Variants in MICALL1 observed in about 807,000 individuals in gnomAD.
MICALL1 encodes MICAL like 1, also known as MICAL-like protein 1.
A neutral mutation model predicts 83.7 loss-of-function variants in MICALL1; 61 were observed. The observed-to-expected ratio is 0.73, with a 90% CI of 0.59 to 0.90. The LOEUF (loss-of-function observed/expected upper bound fraction) is 0.90, where lower values mean the gene tolerates loss of function less well. Ranked by LOEUF, MICALL1 falls within the 40% of genes least tolerant of loss-of-function variation. MICALL1 has a pLI of 0.00. For synonymous variants in MICALL1, 481 were observed against 473.6 expected, an observed-to-expected ratio of 1.02 and a Z score of -0.20; for missense variants, 1,066 against 1,152.0, an observed-to-expected ratio of 0.93 and a Z score of 1.08.
chr22:37,910,137 G>A (rs1051709622), intron 1 of MICALL1, among the ~76,000 whole-genome samples: 2 of 152,210 alleles, frequency 1.3e-5, no homozygotes, highest in Admixed American at 1.3e-4. Flanking sequence ...AAATATATGT[G>A]TTACCAAAAC....
intron 8 of MICALL1, 53 bp downstream of exon 8, chr22:37,926,096 C>T (rs1056164063): frequency 1.3e-4 from 181 of 1,417,324 alleles, no homozygotes; most frequent in African/African-American, 1.6e-4. Flanking sequence ...GGGTGGGGCC[C>T]GGGCCTGGGG....
intron 3 of MICALL1, among the ~76,000 whole-genome samples, chr22:37,915,645 C>CTTTTTTT (rs34900801): frequency 7.5e-6 from 1 of 133,148 alleles, no homozygotes; most frequent in Admixed American, 7.7e-5. Flanking sequence ...GATTAGTATT[C>CTTTTTTT]TTTTTTTTTT....
chr22:37,928,438 C>T (rs1374918460), intron 9 of MICALL1, among the ~76,000 whole-genome samples: 8 of 152,238 alleles, frequency 5.3e-5, no homozygotes, highest in Admixed American at 3.9e-4. Flanking sequence ...GATCTCCTGA[C>T]CTCACGATCC....
chr22:37,917,356 T>G (rs1928742392), intron 3 of MICALL1, among the ~76,000 whole-genome samples: 1 of 152,182 alleles, frequency 6.6e-6, no homozygotes, highest in Non-Finnish European at 1.5e-5. Flanking sequence ...TCTTTTCCTT[T>G]CCTTCACCTC....
At chr22:37,928,849 C>T (rs1929636546) in intron 9 of MICALL1, among the ~76,000 whole-genome samples, 1 of 152,150 alleles carries the variant, frequency 6.6e-6, no homozygotes, top group Admixed American at 6.5e-5. Flanking sequence ...CCTGGCTGGG[C>T]GTGGTGGCTC....
At chr22:37,915,631 TTTAGA>T (rs1928629005) in intron 3 of MICALL1, among the ~76,000 whole-genome samples, 1 of 150,902 alleles carries the variant, frequency 6.6e-6, no homozygotes, top group South Asian at 2.1e-4. Flanking sequence ...TTGGCACCTA[TTTAGA>T]TTAGTATTCT....
Position 37,912,218 on chromosome 22 carries a change from T to C in MICALL1, c.196-133T>C, listed in dbSNP as rs1300284683. Reference sequence around the variant, plus strand: ...GCCATCCTGTGGTGCTTGGGTGGGATTAATACTGAGGGGAGCCCACAGTCA... The same window carrying C: ...GCCATCCTGTGGTGCTTGGGTGGGACTAATACTGAGGGGAGCCCACAGTCA... On this transcript the variant is annotated intron_variant, in intron 2 of 15. Coordinates refer to ENST00000215957, the MANE Select transcript of MICALL1 (RefSeq NM_033386.4). 4.1e-6 allele frequency: 5 copies of C among 1,224,806 alleles called. No homozygotes were observed. The African/African-American group carries it at 6.1e-5, about 15-fold the overall frequency. The allele number at this position is 1,224,806 out of a possible 1,614,324, so 75.9% of individuals were successfully genotyped here.
Position 37,924,665 on chromosome 22 carries a change from C to G in MICALL1, c.1030C>G (p.Leu344Val), listed in dbSNP as rs1929306361. Residue 344 changes from leucine to valine, a missense_variant, in exon 7 of 16, where the codon CTG becomes GTG. By Grantham distance (32) the Leu-to-Val change is conservative. Transcript: ENST00000215957. This position sits in a 1 kb window ranked among gnomAD's most constrained non-coding sequence, Gnocchi z 5.2. ...AGSSSLVNGRLHELPVPKPRG... is the reference protein window; with the variant it reads ...AGSSSLVNGRVHELPVPKPRG... The stretch of plus-strand genomic sequence containing the variant: ...CACTCTCCTTTCCCATCTAGGGAGA[C>G]TGCACGAACTGCCTGTCCCCAAGCC... The G allele has an allele frequency of 6.2e-7, 1 of 1,612,432 alleles. No homozygotes were observed. Among genetic ancestry groups the G allele is most frequent in the Non-Finnish European group, 8.5e-7 (1 of 1,179,124 alleles).
In MICALL1 at chr22:37,937,658, A is replaced by G; in HGVS notation, c.2424-88A>G. The G allele has an allele frequency of 2.9e-6, 4 of 1,376,084 alleles. No homozygotes were observed. The South Asian group carries it at 4.9e-5, about 17-fold the overall frequency. 85.2% of individuals were successfully genotyped at this position (1,376,084 alleles called of 1,614,324 possible). Reference sequence around the variant, plus strand: ...AGGCTGATCTCGAACTCCTGACTTCAGGTGATCCACCCACCTTGGCCTCCC... The same window carrying G: ...AGGCTGATCTCGAACTCCTGACTTCGGGTGATCCACCCACCTTGGCCTCCC... On this transcript the variant is annotated intron_variant, in intron 14 of 15. Transcript: ENST00000215957.
intron 2 of MICALL1, 40 bp downstream of exon 2, chr22:37,912,040 TA>T (rs1451850571): frequency 1.3e-6 from 2 of 1,574,420 alleles, no homozygotes; most frequent in African/African-American, 3.0e-5. Context: ...AGGCTCTGTG[TA>T]TGTGTGTGTG....
In MICALL1 at chr22:37,940,811, C is replaced by T; in HGVS notation, c.2573C>T (p.Ser858Phe). 3.7e-6 allele frequency: 6 copies of T among 1,613,994 alleles called. No homozygotes were observed. The highest frequency in any genetic ancestry group is 5.1e-6 in the Non-Finnish European group (6 of 1,179,908). ...AACAAACGTGATGCCAAGAGCAAGT[C>T]CCCCAGAGACAAGAGCTAACAGCAC... ...LGNKRDAKSK[S>F]PRDKS The change falls in exon 16 of 16, where the codon TCC becomes TTC. Residue 858 changes from serine to phenylalanine, a missense_variant. By Grantham distance (155) the Ser-to-Phe change is radical (BLOSUM62 -2). Transcript: ENST00000215957.
intron 9 of MICALL1, among the ~76,000 whole-genome samples, chr22:37,929,360 C>T (rs1929664601): frequency 6.6e-6 from 1 of 152,140 alleles, no homozygotes; most frequent in Admixed American, 6.5e-5. Flanking sequence ...CCCCAAGGCG[C>T]TCCCAGCCAG....
At chr22:37,928,074 T>C (rs1250242279) in intron 9 of MICALL1, among the ~76,000 whole-genome samples, 1 of 151,748 alleles carries the variant, frequency 6.6e-6, no homozygotes, top group East Asian at 1.9e-4. Flanking sequence ...GCCCGGCTAA[T>C]TTTTTGTATT....
chr22:37,925,914 AC>A lies in MICALL1; in HGVS notation c.1338del (p.Ser447AlafsTer120). On this transcript the variant is annotated frameshift_variant, in exon 8 of 16. Coordinates refer to ENST00000215957, the MANE Select transcript of MICALL1 (RefSeq NM_033386.4). LOFTEE classifies it high-confidence loss of function. Reference protein sequence around the residue: ...EEAPAAPSLATSPALGHPEST... With the variant: ...EEAPAAPSLAXSPALGHPEST... ...GGCTCCAGCTGCACCCAGCCTGGCC[AC>A]CAGCCCTGCCCTGGGCCACCCGGAG... is the stretch of plus-strand genomic sequence containing the variant. The A allele has an allele frequency of 6.2e-7, 1 of 1,612,894 alleles. No individual in the cohort carries two copies. Among genetic ancestry groups the A allele is most frequent in the South Asian group, 1.1e-5 (1 of 90,960 alleles).
intron 1 of MICALL1, among the ~76,000 whole-genome samples, chr22:37,909,449 C>T (rs1334279359): frequency 3.3e-5 from 5 of 151,476 alleles, no homozygotes; most frequent in Non-Finnish European, 5.9e-5. Context: ...AGCTCCACCT[C>T]TTGGGTTCAC....
intron 14 of MICALL1, among the ~76,000 whole-genome samples, chr22:37,937,446 A>G (rs1366450062): frequency 8.4e-6 from 1 of 119,228 alleles, no homozygotes; most frequent in East Asian, 2.3e-4. Flanking sequence ...TTTTTGAGAC[A>G]GCGTTTCACT....
rs1930225966 is a variant in MICALL1, at chr22:37,937,923, CTG to C, written c.2470+133_2470+134del. On this transcript the variant is annotated intron_variant, in intron 15 of 15. Coordinates refer to ENST00000215957, the MANE Select transcript of MICALL1 (RefSeq NM_033386.4). ...TGGCTGTGCACAAACTCCGCAGCCT[CTG>C]TTGTGCAGAGAGGGCTGTGTGTAGC... 4 of 1,143,816 alleles carry C rather than the reference CTG, an allele frequency of 3.5e-6. No individual in the cohort carries two copies. The East Asian group carries it at 1.0e-4, about 29-fold the overall frequency. The allele number at this position is 1,143,816 out of a possible 1,614,324, so 70.9% of individuals were successfully genotyped here.
rs139004775 is a variant in MICALL1, at chr22:37,935,888, C to G, written c.2309-1192C>G. Among the ~76,000 whole-genome samples the G allele has an allele frequency of 9.4e-3, 1,433 of 152,246 alleles. 23 individuals are homozygous for G. The highest frequency in any genetic ancestry group is 0.032 in the African/African-American group (1,347 of 41,540). On this transcript the variant is annotated intron_variant, in intron 13 of 15. Coordinates refer to ENST00000215957, the MANE Select transcript of MICALL1 (RefSeq NM_033386.4). ...GGGATTTCAGGTGTGTGCCACCACA[C>G]CCCGCTAATTTTTGTATTTTTAGTA...
chr22:37,914,550 A>G (rs1928552016), intron 3 of MICALL1, among the ~76,000 whole-genome samples: 1 of 151,236 alleles, frequency 6.6e-6, no homozygotes, highest in African/African-American at 2.4e-5. Context: ...TTATATATAT[A>G]TATGTATATA....
Sources: allele counts gnomAD v4.1 joint callset (sites outside exome capture counted in the v4.1 genomes callset), GRCh38; gene constraint gnomAD v4.1.1; non-coding constraint Gnocchi (gnomAD v3.1); transcripts MANE v1.5; gene names NCBI Gene and HGNC (gene_info 2026-07-23, HGNC 2026-07-21).